The following SPATA13 variants were observed in gnomAD, a reference collection of about 807,000 sequenced individuals.
SPATA13 encodes spermatogenesis-associated protein 13.
SPATA13 carries 50 observed loss-of-function variants against 104.0 expected under a neutral mutation model. The ratio of observed to expected loss-of-function variants is 0.48; its 90% CI spans 0.38 to 0.61. The LOEUF (loss-of-function observed/expected upper bound fraction) is 0.61, where lower values mean the gene tolerates loss of function less well. Among genes scored for constraint, SPATA13 ranks in the 20% least tolerant of loss-of-function variants. SPATA13 has a pLI of 0.00. For missense variants in SPATA13, 1,524 were observed against 1,690.6 expected (o/e 0.90, Z 1.73); for synonymous variants, 606 against 667.5 (o/e 0.91, Z 1.42).
intron 3 of SPATA13, among the ~76,000 whole-genome samples, chr13:24,031,192 G>T (rs926072307): frequency 2.6e-5 from 4 of 152,210 alleles, no homozygotes; most frequent in African/African-American, 9.7e-5. Flanking sequence ...TTCATGGATG[G>T]CATGGATGCC....
intron 3 of SPATA13, among the ~76,000 whole-genome samples, chr13:24,049,408 G>A (rs1262458179): frequency 2.0e-5 from 3 of 152,186 alleles, no homozygotes; most frequent in Non-Finnish European, 2.9e-5. Context: ...AGGCTACAAC[G>A]TGCAGCCTCG....
chr13:24,103,234 A>G (rs9318313), intron 3 of SPATA13, among the ~76,000 whole-genome samples: 7,662 of 152,162 alleles, frequency 0.05, 512 homozygotes, highest in African/African-American at 0.16. Context: ...CAGATGCTAA[A>G]CCAGGTTATT....
chr13:24,098,655 G>GT (rs367852960), intron 3 of SPATA13, among the ~76,000 whole-genome samples: 1 of 151,756 alleles, frequency 6.6e-6, no homozygotes, highest in African/African-American at 2.4e-5. Flanking sequence ...AGGGCCGGAT[G>GT]TGGTGGTTTA....
chr13:24,209,336 C>T (rs551176124), intron 1 of SPATA13, among the ~76,000 whole-genome samples: 7 of 152,266 alleles, frequency 4.6e-5, no homozygotes, highest in African/African-American at 4.8e-5. Flanking sequence ...TTTAAAAGGT[C>T]AGCGTTTTTG....
At chr13:24,103,790 C>A (rs1340812340) in intron 3 of SPATA13, among the ~76,000 whole-genome samples, 1 of 152,050 alleles carries the variant, frequency 6.6e-6, no homozygotes, top group African/African-American at 2.4e-5. Context: ...TGTAGAGAAG[C>A]CCACACTCAA....
chr13:24,160,701 G>A (rs1882433085), upstream of SPATA13: 1 of 985,288 alleles, frequency 1.0e-6, no homozygotes, highest in Non-Finnish European at 1.2e-6. Flanking sequence ...GGGGAGCGGG[G>A]CTGGGGCGTG....
chr13:24,085,088 G>T (rs1323075262), intron 3 of SPATA13, among the ~76,000 whole-genome samples: 1 of 129,462 alleles, frequency 7.7e-6, no homozygotes, highest in Admixed American at 7.5e-5. Context: ...TTGATCTGGA[G>T]TGTGTAGTGT....
chr13:24,248,155 T>C (rs1566171548), intron 2 of SPATA13, among the ~76,000 whole-genome samples: 1 of 152,266 alleles, frequency 6.6e-6, no homozygotes, highest in Non-Finnish European at 1.5e-5. Flanking sequence ...CCCTCCTCTC[T>C]GGCCAGGCTT....
chr13:24,167,767 C>T (rs1046381155), intron 1 of SPATA13, among the ~76,000 whole-genome samples: 4 of 152,160 alleles, frequency 2.6e-5, no homozygotes, highest in Non-Finnish European at 5.9e-5. Flanking sequence ...TGTTATAAAC[C>T]ATGTATTTCT....
At position 24,205,694 on chromosome 13, in the gene SPATA13, T is replaced by C. The variant is rs114456372; in HGVS notation, c.-111-17125T>C. ...CCCAACTTCAAACTATACTACAGGG[T>C]GACAGTAACCAAAATCACATGGTAC... is the stretch of plus-strand genomic sequence containing the variant. On this transcript the variant is annotated intron_variant, in intron 1 of 12. Coordinates refer to ENST00000382108, the MANE Select transcript of SPATA13 (RefSeq NM_001166271.3). This position sits in a 1 kb window ranked among gnomAD's most constrained non-coding sequence, Gnocchi z 4.1. 0.029 allele frequency among the ~76,000 whole-genome samples: 4,369 copies of C among 152,116 alleles called. 206 individuals carry two copies. The highest frequency in any genetic ancestry group is 0.099 in the African/African-American group (4,112 of 41,498).
chr13:24,063,007 C>T (rs1878828784), intron 3 of SPATA13, among the ~76,000 whole-genome samples: 1 of 152,136 alleles, frequency 6.6e-6, no homozygotes, highest in South Asian at 2.1e-4. Context: ...ACAAGGGACA[C>T]ACTTCCCAGC....
chr13:24,079,180 G>C (rs1879426093), intron 3 of SPATA13, among the ~76,000 whole-genome samples: 1 of 152,202 alleles, frequency 6.6e-6, no homozygotes, highest in Non-Finnish European at 1.5e-5. Flanking sequence ...AGGCATGTGG[G>C]AACACGGGAT....
At position 24,284,275 on chromosome 13, in the gene SPATA13, C is replaced by T; in HGVS notation, c.2301+4C>T. On this transcript the variant is annotated splice_donor_region_variant and intron_variant, in intron 5 of 12. Transcript: ENST00000382108. ...GGAGCAGCTGGCCATCAATGAGGTA[C>T]TGGAATTCCACACGACAGTAGTGGA... 1 of 1,613,036 alleles carries T rather than the reference C, an allele frequency of 6.2e-7. No individual in the cohort carries two copies. Among genetic ancestry groups the T allele is most frequent in the Non-Finnish European group, 8.5e-7 (1 of 1,179,444 alleles).
chr13:24,140,430 G>A (rs1190131623), intron 3 of SPATA13, among the ~76,000 whole-genome samples: 1 of 152,154 alleles, frequency 6.6e-6, no homozygotes, highest in African/African-American at 2.4e-5. Context: ...CATCTATAGA[G>A]TTTTCATTTT....
At position 24,137,091 on chromosome 13, in the gene SPATA13, A is replaced by G. The variant is rs1881598874; in HGVS notation, c.-111-85728A>G. Among the ~76,000 whole-genome samples, 3 of 35,276 alleles carry G rather than the reference A, an allele frequency of 8.5e-5. No homozygotes were observed. In the South Asian group the frequency reaches 3.5e-3, roughly 41 times the overall value. 23.1% of individuals were successfully genotyped at this position (35,276 alleles called of 152,430 possible). A position where few individuals can be genotyped will look rare whatever the true frequency, so the allele number is the denominator to read the frequency against. On this transcript the variant is annotated intron_variant, in intron 3 of 14. Transcript: ENST00000424834. Reference sequence around the variant, plus strand: ...GTGATCCGCCCGCCTCGGCCTCCCAAAGTGCTGGGATTACAGGCGTGAGCC... The same window carrying G: ...GTGATCCGCCCGCCTCGGCCTCCCAGAGTGCTGGGATTACAGGCGTGAGCC...
At chr13:24,123,299 C>A in intron 3 of SPATA13, 1 of 1,532,534 alleles carries the variant, frequency 6.5e-7, no homozygotes. Flanking sequence ...ATCTTCTTGT[C>A]AGCTCTAAGG....
intron 3 of SPATA13, among the ~76,000 whole-genome samples, chr13:24,040,681 A>C (rs1166629098): frequency 2.0e-5 from 3 of 152,170 alleles, no homozygotes; most frequent in Non-Finnish European, 4.4e-5. Context: ...GAATCCAACT[A>C]GGCCTCCTCT....
chr13:24,239,936 G>A (rs895595133), intron 2 of SPATA13, among the ~76,000 whole-genome samples: 4 of 151,592 alleles, frequency 2.6e-5, no homozygotes, highest in African/African-American at 4.9e-5. Flanking sequence ...TTTAAGATGT[G>A]GTCATTATGT....
At chr13:24,143,356 TA>T (rs1439944721) in intron 3 of SPATA13, among the ~76,000 whole-genome samples, 1 of 152,096 alleles carries the variant, frequency 6.6e-6, no homozygotes, top group Non-Finnish European at 1.5e-5. Context: ...TCCCCAATAT[TA>T]AAGTAAAAAT....
Sources: gnomAD v4.1 joint callset for allele counts (sites outside exome capture counted in the v4.1 genomes callset) on GRCh38, gnomAD v4.1.1 for gene constraint, Gnocchi (gnomAD v3.1) non-coding constraint, MANE v1.5 for transcripts, NCBI Gene and HGNC (gene_info 2026-07-23, HGNC 2026-07-21) for gene names.